The following HDAC8 variants were observed in gnomAD, a reference collection of about 807,000 sequenced individuals.
HDAC8 encodes histone deacetylase-like 1.
HDAC8 carries 1 observed loss-of-function variant against 32.2 expected under a neutral mutation model. The ratio of observed to expected loss-of-function variants is 0.03; its 90% confidence interval spans 0.01 to 0.15. The LOEUF (loss-of-function observed/expected upper bound fraction) is 0.15, where lower values mean the gene tolerates loss of function less well. Among genes scored for constraint, HDAC8 ranks in the 10% least tolerant of loss-of-function variants. HDAC8 has a pLI of 1.00. For synonymous variants in HDAC8, 108 were observed against 113.9 expected, an observed-to-expected ratio of 0.95 and a Z score of 0.33; for missense variants, 117 against 300.0, an observed-to-expected ratio of 0.39 and a Z score of 4.51.
At chrX:72,476,627 T>A (rs1479826234) in intron 7 of HDAC8, among the ~76,000 whole-genome samples, 5 of 111,521 alleles carry the variant, frequency 4.5e-5, no homozygotes, top group African/African-American at 9.8e-5. Context: ...CTTGGACAAA[T>A]CACTTCCCTG....
intron 4 of HDAC8, among the ~76,000 whole-genome samples, chrX:72,531,816 T>A (rs1025197796): frequency 1.8e-5 from 2 of 112,705 alleles, no homozygotes; most frequent in African/African-American, 6.4e-5. Flanking sequence ...CTTTTTATTA[T>A]GAAACAATGT....
intron 9 of HDAC8, among the ~76,000 whole-genome samples, chrX:72,363,572 CT>C (rs1160846495): frequency 3.0e-3 from 323 of 106,332 alleles, no homozygotes; most frequent in African/African-American, 6.4e-3. Context: ...CTCCAATGAA[CT>C]TTTTTTTTTT....
chrX:72,335,538 C>T lies in HDAC8; in HGVS notation c.1112-5462G>A, dbSNP rs1026173649. Among the ~76,000 whole-genome samples, 11 of 112,082 alleles carry T rather than the reference C, an allele frequency of 9.8e-5. No homozygotes were observed. The South Asian group carries it at 1.1e-3, about 11-fold the overall frequency. ...AATAGTCCATTGTCTGGATGTACAA[C>T]GGGTTTATCCATTCACCTATTGCAA... is the stretch of plus-strand genomic sequence containing the variant. On this transcript the variant is annotated intron_variant, in intron 10 of 10. Transcript: ENST00000373573.
rs1323922047 is a variant in HDAC8, at chrX:72,557,788, G to T, written c.437+10101C>A. 2.7e-5 allele frequency among the ~76,000 whole-genome samples: 3 copies of T among 111,383 alleles called. No homozygotes were observed. The Admixed American group carries it at 2.9e-4, about 11-fold the overall frequency. ...AAACAAAAAAATACAAAAGATAAAT[G>T]AAGCAAAACGCTGGTTCTTTTAAAA... On this transcript the variant is annotated intron_variant, in intron 4 of 10. Coordinates refer to ENST00000373573, the MANE Select transcript of HDAC8 (RefSeq NM_018486.3).
chrX:72,380,148 C>T (rs2045227075), intron 9 of HDAC8, among the ~76,000 whole-genome samples: 1 of 111,438 alleles, frequency 9.0e-6, no homozygotes, highest in Non-Finnish European at 1.9e-5. Flanking sequence ...TGGAGGTTTT[C>T]TAAGCTCCAT....
intron 4 of HDAC8, among the ~76,000 whole-genome samples, chrX:72,552,817 G>A (rs782065209): frequency 3.4e-5 from 3 of 88,438 alleles, no homozygotes; most frequent in African/African-American, 1.3e-4. Context: ...GTATATATAC[G>A]TATATATACA....
At chrX:72,411,569 T>C (rs2147899725) in intron 9 of HDAC8, among the ~76,000 whole-genome samples, 1 of 112,260 alleles carries the variant, frequency 8.9e-6, no homozygotes, top group African/African-American at 3.2e-5. Context: ...ATCTGTGTAC[T>C]GTTGTACCTC....
intron 7 of HDAC8, among the ~76,000 whole-genome samples, chrX:72,483,620 G>T (rs2048577575): frequency 9.0e-6 from 1 of 111,001 alleles, no homozygotes; most frequent in Non-Finnish European, 1.9e-5. Context: ...ATGCAAAACA[G>T]ACTAACACAC....
At chrX:72,350,294 G>A (rs2044141520) in intron 10 of HDAC8, among the ~76,000 whole-genome samples, 3 of 111,734 alleles carry the variant, frequency 2.7e-5, no homozygotes, top group African/African-American at 9.8e-5. Context: ...ATAACCTTGA[G>A]AGTCTATGAC....
intron 10 of HDAC8, among the ~76,000 whole-genome samples, chrX:72,330,291 A>G (rs1555939870): frequency 9.0e-6 from 1 of 111,536 alleles, no homozygotes; most frequent in Admixed American, 9.5e-5. Context: ...GGCAACCACC[A>G]GCCAATTACT....
At chrX:72,565,875 A>G (rs1354244460) in intron 4 of HDAC8, among the ~76,000 whole-genome samples, 1 of 111,385 alleles carries the variant, frequency 9.0e-6, no homozygotes, top group Non-Finnish European at 1.9e-5. Flanking sequence ...GGCGGTGTGC[A>G]GTGGCTGTCA....
Position 72,526,051 on chromosome X carries a change from G to C in HDAC8, c.438-30783C>G, listed in dbSNP as rs967929117. ...GTTTGAGACCAGCCTGGGCAACATAGTGAGACCTTGCCTCTTTAAAAAACT... is the reference window on the plus strand; with the variant it reads ...GTTTGAGACCAGCCTGGGCAACATACTGAGACCTTGCCTCTTTAAAAAACT... On this transcript the variant is annotated intron_variant, in intron 4 of 10. Coordinates refer to ENST00000373573, the MANE Select transcript of HDAC8 (RefSeq NM_018486.3). Among the ~76,000 whole-genome samples, 3 of 110,035 alleles carry C rather than the reference G, an allele frequency of 2.7e-5. No homozygotes were observed. In the Admixed American group the frequency reaches 2.9e-4, roughly 11 times the overall value.
chrX:72,355,187 G>A (rs1164104493), intron 9 of HDAC8, among the ~76,000 whole-genome samples: 1 of 112,178 alleles, frequency 8.9e-6, no homozygotes, highest in Admixed American at 9.5e-5. Flanking sequence ...CTGGCGAGGT[G>A]GAAAGGAAAT....
chrX:72,360,265 G>A (rs1442364487), intron 9 of HDAC8, among the ~76,000 whole-genome samples: 1 of 107,122 alleles, frequency 9.3e-6, no homozygotes, highest in Non-Finnish European at 1.9e-5. Flanking sequence ...TGAGGCAGGA[G>A]AATCTCTTGA....
intron 10 of HDAC8, among the ~76,000 whole-genome samples, chrX:72,330,574 T>C (rs952460349): frequency 1.8e-5 from 2 of 111,872 alleles, no homozygotes; most frequent in Middle Eastern, 9.2e-3. Context: ...CTCTTGTGAG[T>C]ACCTGTGAAA....
At chrX:72,406,100 T>C (rs1323845752) in intron 9 of HDAC8, among the ~76,000 whole-genome samples, 1 of 112,258 alleles carries the variant, frequency 8.9e-6, no homozygotes, top group East Asian at 2.8e-4. Context: ...TGATTTTTCA[T>C]TGTGAATTAA....
At chrX:72,358,244 C>G (rs1602571965) in intron 9 of HDAC8, among the ~76,000 whole-genome samples, 1 of 111,401 alleles carries the variant, frequency 9.0e-6, no homozygotes, top group East Asian at 2.8e-4. Context: ...TAGATTTGTT[C>G]TTATTGTAGA....
At chrX:72,429,425 G>A (rs1438063524) in intron 9 of HDAC8, among the ~76,000 whole-genome samples, 1 of 111,930 alleles carries the variant, frequency 8.9e-6, no homozygotes. Flanking sequence ...GCAACTTGAC[G>A]AGGTATTAGG....
chrX:72,441,692 T>C (rs2047152925), intron 9 of HDAC8, among the ~76,000 whole-genome samples: 1 of 112,179 alleles, frequency 8.9e-6, no homozygotes. Context: ...GGAGAATGAC[T>C]TTGAAGAGTT....
Sources: allele counts gnomAD v4.1 joint callset (sites outside exome capture counted in the v4.1 genomes callset), GRCh38; gene constraint gnomAD v4.1.1; transcripts MANE v1.5; gene names NCBI Gene and HGNC (gene_info 2026-07-23, HGNC 2026-07-21).